Variants in GRB14 observed in about 807,000 individuals in gnomAD.
The protein encoded by GRB14 is growth factor receptor bound protein 14, also known as growth factor receptor-bound protein 14.
A neutral mutation model predicts 69.1 loss-of-function variants in GRB14; 38 were observed. The ratio of observed to expected loss-of-function variants is 0.55; its 90% CI spans 0.42 to 0.72. The LOEUF (loss-of-function observed/expected upper bound fraction) is 0.72, where lower values mean the gene tolerates loss of function less well. Ranked by LOEUF, GRB14 falls within the 30% of genes least tolerant of loss-of-function variation. The pLI is 0.00. For missense variants in GRB14, 666 were observed against 666.1 expected (o/e 1.00, Z 0.00); for synonymous variants, 247 against 241.3 (o/e 1.02, Z -0.22).
chr2:164,503,965 T>A (rs1021420867), intron 8 of GRB14, among the ~76,000 whole-genome samples: 1 of 152,010 alleles, frequency 6.6e-6, no homozygotes, highest in Non-Finnish European at 1.5e-5. Flanking sequence ...CCCCATCCTA[T>A]GGAGGGGCAG....
intron 2 of GRB14, among the ~76,000 whole-genome samples, chr2:164,564,703 A>T (rs1463327688): frequency 1.3e-5 from 2 of 152,214 alleles, no homozygotes; most frequent in African/African-American, 2.4e-5. Context: ...GAATGCAAAA[A>T]TGTTTGCAAA....
chr2:164,521,352 T>C (rs1008771969), intron 6 of GRB14, among the ~76,000 whole-genome samples: 3 of 152,024 alleles, frequency 2.0e-5, no homozygotes, highest in African/African-American at 7.2e-5. Context: ...CAATGGACTT[T>C]GGGGACTCAG....
chr2:164,533,786 T>A (rs1688013031), intron 3 of GRB14, among the ~76,000 whole-genome samples: 1 of 152,206 alleles, frequency 6.6e-6, no homozygotes, highest in African/African-American at 2.4e-5. Context: ...TAATCCCAGC[T>A]ACTCAGGAGT....
intron 2 of GRB14, among the ~76,000 whole-genome samples, chr2:164,582,417 A>ATTT (rs1482393343): frequency 2.8e-4 from 30 of 107,816 alleles, no homozygotes; most frequent in African/African-American, 1.3e-3. Context: ...TTATTTATTT[A>ATTT]TTTATTATTT....
intron 13 of GRB14, among the ~76,000 whole-genome samples, chr2:164,494,164 G>A (rs934406383): frequency 3.9e-5 from 6 of 152,278 alleles, no homozygotes; most frequent in Middle Eastern, 3.4e-3. Context: ...AACAATAGGT[G>A]GCATGGGGTC....
intron 2 of GRB14, among the ~76,000 whole-genome samples, chr2:164,616,295 A>G (rs1690292162): frequency 1.3e-5 from 2 of 151,898 alleles, no homozygotes; most frequent in South Asian, 2.1e-4. Flanking sequence ...GCGTGGTGGC[A>G]GGCACCTCTA....
intron 3 of GRB14, among the ~76,000 whole-genome samples, chr2:164,531,259 C>T (rs1687928199): frequency 6.6e-6 from 1 of 152,192 alleles, no homozygotes; most frequent in African/African-American, 2.4e-5. Flanking sequence ...GTTTACTTTT[C>T]ACACAAACTC....
At chr2:164,524,340 G>C (rs1687713988) in intron 5 of GRB14, among the ~76,000 whole-genome samples, 1 of 151,870 alleles carries the variant, frequency 6.6e-6, no homozygotes. Flanking sequence ...GAAAATTAAA[G>C]AAAATAACTG....
intron 2 of GRB14, among the ~76,000 whole-genome samples, chr2:164,604,975 T>TCAGTAAATTGTAAATGC (rs1424041422): frequency 1.3e-5 from 2 of 152,196 alleles, no homozygotes; most frequent in Non-Finnish European, 2.9e-5. Context: ...TGCACTTATG[T>TCAGTAAATTGTAAATGC]CAGTAAATTG....
At chr2:164,581,991 T>C (rs1004996180) in intron 2 of GRB14, among the ~76,000 whole-genome samples, 6 of 152,236 alleles carry the variant, frequency 3.9e-5, no homozygotes, top group African/African-American at 1.4e-4. Context: ...CTCTCTCTGT[T>C]GACTCTCTTT....
chr2:164,591,170 G>A (rs923220914), intron 2 of GRB14, among the ~76,000 whole-genome samples: 2 of 152,190 alleles, frequency 1.3e-5, no homozygotes, highest in African/African-American at 4.8e-5. Flanking sequence ...AATCATTTGT[G>A]TAGAATATAA....
intron 3 of GRB14, among the ~76,000 whole-genome samples, chr2:164,544,806 C>G (rs1688329167): frequency 6.6e-6 from 1 of 152,216 alleles, no homozygotes; most frequent in Admixed American, 6.5e-5. Context: ...ACTCTATCCC[C>G]TTCACGAGGT....
chr2:164,500,609 A>T (rs1687024551), intron 9 of GRB14, among the ~76,000 whole-genome samples: 1 of 152,088 alleles, frequency 6.6e-6, no homozygotes, highest in Non-Finnish European at 1.5e-5. Context: ...AACAGATTCT[A>T]AGTTTCCTTC....
chr2:164,582,555 G>A (rs1689438449), intron 2 of GRB14, among the ~76,000 whole-genome samples: 1 of 151,856 alleles, frequency 6.6e-6, no homozygotes, highest in South Asian at 2.1e-4. Flanking sequence ...CGAGTAGCTG[G>A]GATTACAGTC....
At chr2:164,528,310 T>C (rs899006839) in intron 3 of GRB14, among the ~76,000 whole-genome samples, 1 of 151,808 alleles carries the variant, frequency 6.6e-6, no homozygotes, top group African/African-American at 2.4e-5. Context: ...CATACTTCAA[T>C]AAAAGGTGGA....
chr2:164,503,169 T>TAAAAAAAAAAAAAAAAAAAAAAA (rs3086552), intron 8 of GRB14, among the ~76,000 whole-genome samples: 2 of 126,604 alleles, frequency 1.6e-5, no homozygotes, highest in South Asian at 2.5e-4. Context: ...GCTACTTTGT[T>TAAAAAAAAAAAAAAAAAAAAAAA]AAAAAAAAAA....
intron 10 of GRB14, 33 bp downstream of exon 10, chr2:164,497,341 T>C (rs1437837014): frequency 1.2e-6 from 2 of 1,604,244 alleles, no homozygotes; most frequent in African/African-American, 1.3e-5. Context: ...ACTGAAATCA[T>C]AAATATTTTG....
chr2:164,512,978 T>C (rs1177124429), intron 6 of GRB14, among the ~76,000 whole-genome samples: 1 of 152,250 alleles, frequency 6.6e-6, no homozygotes, highest in Non-Finnish European at 1.5e-5. Flanking sequence ...TTTTATTTTC[T>C]ATTTCTTAAT....
intron 2 of GRB14, among the ~76,000 whole-genome samples, chr2:164,600,473 C>A (rs543476869): frequency 6.6e-6 from 1 of 152,182 alleles, no homozygotes; most frequent in East Asian, 1.9e-4. Context: ...TTATTTCAAA[C>A]CCTGATTCAA....
Sources: gnomAD v4.1 joint callset for allele counts (sites outside exome capture counted in the v4.1 genomes callset) on GRCh38, gnomAD v4.1.1 for gene constraint, MANE v1.5 for transcripts, NCBI Gene and HGNC (gene_info 2026-07-23, HGNC 2026-07-21) for gene names.